PARP16: variants seen among roughly 807,000 people sequenced by gnomAD.
PARP16 encodes poly(ADP-ribose) polymerase family member 16, also known as protein mono-ADP-ribosyltransferase PARP16.
A neutral mutation model predicts 35.0 loss-of-function variants in PARP16; 31 were observed. The ratio of observed to expected loss-of-function variants is 0.88; its 90% CI spans 0.66 to 1.19. The LOEUF is 1.19. Ranked by LOEUF, PARP16 falls within the 50% of genes most tolerant of loss-of-function variation. The probability of loss-of-function intolerance (pLI) is 0.00; values close to 1 mark genes in which losing one functional copy is unlikely to be tolerated. For missense variants in PARP16, 424 were observed against 411.2 expected (o/e 1.03, Z -0.27); for synonymous variants, 162 against 169.5 (o/e 0.96, Z 0.34).
chr15:65,245,161 C>A (rs934206566), intron 3 of PARP16, among the ~76,000 whole-genome samples: 1 of 152,230 alleles, frequency 6.6e-6, no homozygotes, highest in Non-Finnish European at 1.5e-5. Flanking sequence ...ATCCCATGAA[C>A]CTCACCTCGT....
intron 3 of PARP16, among the ~76,000 whole-genome samples, chr15:65,240,323 A>AGTGAGTGTGT (rs2089030325): frequency 7.9e-6 from 1 of 126,080 alleles, no homozygotes; most frequent in African/African-American, 3.1e-5. Flanking sequence ...GGGGGGGGCT[A>AGTGAGTGTGT]GTGTGTGTGT....
At chr15:65,265,851 C>A (rs956137810) in intron 3 of PARP16, among the ~76,000 whole-genome samples, 2 of 152,192 alleles carry the variant, frequency 1.3e-5, no homozygotes, top group African/African-American at 4.8e-5. Flanking sequence ...GCAACTGATG[C>A]CTGTGCTCCA....
At position 65,259,341 on chromosome 15, in the gene PARP16, G is replaced by A. The variant is rs2089622250; in HGVS notation, c.*66C>T. ...TCAACCTGGCTGGACATGAGGCATA[G>A]GAGGTACAGAACAAGTTACCATAAG... On this transcript the variant is annotated 3_prime_UTR_variant, in exon 6 of 6. Transcript: ENST00000649807. 6 of 1,546,048 alleles carry A rather than the reference G, an allele frequency of 3.9e-6. No individual in the cohort carries two copies. Among genetic ancestry groups the A allele is most frequent in the Non-Finnish European group, 5.3e-6 (6 of 1,121,602 alleles).
At chr15:65,240,223 C>T (rs1419497101) in intron 3 of PARP16, among the ~76,000 whole-genome samples, 1 of 151,836 alleles carries the variant, frequency 6.6e-6, no homozygotes, top group Non-Finnish European at 1.5e-5. Flanking sequence ...CTGCAAGCTC[C>T]ACCTCCCGGG....
chr15:65,250,118 T>G (rs1225420177), intron 2 of PARP16, among the ~76,000 whole-genome samples: 3 of 56,478 alleles, frequency 5.3e-5, no homozygotes, highest in Non-Finnish European at 1.4e-4. Context: ...TTTTTTTTTT[T>G]TTTTTTTTTT....
At chr15:65,259,616 T>C in intron 5 of PARP16, 74 bp from the exon 6 acceptor site, 2 of 1,381,432 alleles carry the variant, frequency 1.4e-6, no homozygotes, top group Non-Finnish European at 2.0e-6. Flanking sequence ...ACAACAAGTC[T>C]GGCTCTAAGA....
chr15:65,275,200 G>A (rs2090215112), intron 1 of PARP16, among the ~76,000 whole-genome samples: 1 of 152,180 alleles, frequency 6.6e-6, no homozygotes, highest in Non-Finnish European at 1.5e-5. Context: ...TTGCGTAGGG[G>A]CTAAAGGAAA....
intron 2 of PARP16, among the ~76,000 whole-genome samples, chr15:65,268,628 A>G (rs577919247): frequency 2.4e-4 from 36 of 152,326 alleles, no homozygotes; most frequent in Non-Finnish European, 4.9e-4. Context: ...AATTTTTCAT[A>G]GACAGAGGGT....
At chr15:65,268,787 G>A (rs1012125208) in intron 2 of PARP16, among the ~76,000 whole-genome samples, 2 of 151,538 alleles carry the variant, frequency 1.3e-5, no homozygotes, top group African/African-American at 4.9e-5. Flanking sequence ...TGGAGTCTTA[G>A]TCTGTCTCTC....
At chr15:65,231,822 A>AT (rs2088781083), downstream of PARP16, among the ~76,000 whole-genome samples, 3 of 151,564 alleles carry the variant, frequency 2.0e-5, no homozygotes, top group African/African-American at 7.3e-5. Context: ...CACATGTACC[A>AT]TTTTCTTTGT....
chr15:65,263,309 G>A lies in PARP16; in HGVS notation c.531C>T (p.Phe177=), dbSNP rs200654964. 2.9e-5 allele frequency: 46 copies of A among 1,585,628 alleles called. No individual in the cohort carries two copies. The East Asian group carries it at 3.6e-4, about 12-fold the overall frequency. ...CACTGGTGAGGTAGGTCCCCTCTCC[G>A]AACAAGGATGTCTGCAACAGCAAGG... ...LHCHLNKTSL[F]GEGTYLTSDL... is the part of the protein sequence containing the mutation. Residue 177 remains phenylalanine (F), a synonymous_variant, in exon 4 of 6, where the codon TTC becomes TTT. Coordinates refer to ENST00000649807, the MANE Select transcript of PARP16 (RefSeq NM_001316943.2).
chr15:65,282,792 T>C (rs1337304288), intron 1 of PARP16, among the ~76,000 whole-genome samples: 1 of 152,150 alleles, frequency 6.6e-6, no homozygotes, highest in Non-Finnish European at 1.5e-5. Flanking sequence ...CCTACGTTGC[T>C]GATGCTCTCT....
chr15:65,286,866 G>A lies in PARP16; in HGVS notation c.-440C>T, dbSNP rs1379770102. On this transcript the variant is annotated 5_prime_UTR_variant, in exon 1 of 6. Coordinates refer to ENST00000649807, the MANE Select transcript of PARP16 (RefSeq NM_001316943.2). ...ACTCTCCGCGACGGGCGAGGCTGCT[G>A]CGCCGCGCGCGCCTTCCTGCCCCGC... 1.3e-5 allele frequency: 2 copies of A among 158,926 alleles called. No individual in the cohort carries two copies. The highest frequency in any genetic ancestry group is 4.8e-5 in the African/African-American group (2 of 41,688). The allele number at this position is 158,926 out of a possible 1,614,324, so 9.8% of individuals were successfully genotyped here. A position where few individuals can be genotyped will look rare whatever the true frequency, so the allele number is the denominator to read the frequency against.
chr15:65,256,080 C>T (rs1490777060), downstream of PARP16, among the ~76,000 whole-genome samples: 2 of 152,212 alleles, frequency 1.3e-5, no homozygotes, highest in Non-Finnish European at 2.9e-5. Context: ...TTTCTCAGCA[C>T]CATTTGACAC....
intron 4 of PARP16, among the ~76,000 whole-genome samples, chr15:65,262,530 C>T (rs577862337): frequency 6.6e-6 from 1 of 152,160 alleles, no homozygotes. Context: ...GGCAAATAGT[C>T]TCAGGGACAC....
chr15:65,251,272 T>C (rs1231028223), intron 2 of PARP16, among the ~76,000 whole-genome samples: 1 of 152,122 alleles, frequency 6.6e-6, no homozygotes, highest in East Asian at 1.9e-4. Context: ...CCAGACTCAC[T>C]AGTTTGGAAT....
chr15:65,283,697 G>A (rs1465350204), intron 1 of PARP16, among the ~76,000 whole-genome samples: 2 of 152,080 alleles, frequency 1.3e-5, no homozygotes, highest in Non-Finnish European at 2.9e-5. Flanking sequence ...CCTTGCTCTG[G>A]GCTTCCATGT....
chr15:65,254,744 A>G (rs1266910408), downstream of PARP16, among the ~76,000 whole-genome samples: 2 of 152,168 alleles, frequency 1.3e-5, no homozygotes, highest in African/African-American at 2.4e-5. Context: ...CGATGGGGCC[A>G]TGTTCTCAAG....
chr15:65,234,156 T>G (rs2088821363), downstream of PARP16, among the ~76,000 whole-genome samples: 2 of 152,188 alleles, frequency 1.3e-5, no homozygotes, highest in African/African-American at 4.8e-5. Context: ...CCCCTGAAAC[T>G]ATCCATGGGC....
Sources: allele counts gnomAD v4.1 joint callset (sites outside exome capture counted in the v4.1 genomes callset), GRCh38; gene constraint gnomAD v4.1.1; transcripts MANE v1.5; gene names NCBI Gene and HGNC (gene_info 2026-07-23, HGNC 2026-07-21).